Variants in PCDHGB4 observed in about 807,000 individuals in gnomAD.
PCDHGB4 encodes the protein protocadherin gamma subfamily B, 4, also known as protocadherin gamma-B4.
PCDHGB4 carries 38 observed loss-of-function variants against 60.5 expected under a neutral mutation model. The observed-to-expected ratio is 0.63, with a 90% CI of 0.48 to 0.82. The LOEUF is 0.82. Among genes scored for constraint, PCDHGB4 ranks in the 40% least tolerant of loss-of-function variants. PCDHGB4 has a pLI of 0.00. For synonymous variants in PCDHGB4, 456 were observed against 509.7 expected (o/e 0.89, Z 1.42); for missense variants, 1,109 against 1,209.6 (o/e 0.92, Z 1.23).
rs768908018 is a variant in PCDHGB4, at chr5:141,389,359, G to C, written c.1475G>C (p.Ser492Thr). Residue 492 changes from serine (S) to threonine (T), a missense_variant, in exon 1 of 4, where the codon AGT becomes ACT. Coordinates refer to ENST00000519479, the MANE Select transcript of PCDHGB4 (RefSeq NM_003736.4). ...CAAGTCTCTTACTGCATCATGGCCAGTGACCTGGAGCAGCGGGAGCTGTCA... is the reference window on the plus strand; with the variant it reads ...CAAGTCTCTTACTGCATCATGGCCACTGACCTGGAGCAGCGGGAGCTGTCA... ...NGQVSYCIMA[S>T]DLEQRELSSY... 99 of 1,613,770 alleles carry C rather than the reference G, an allele frequency of 6.1e-5. No individual in the cohort carries two copies. The highest frequency in any genetic ancestry group is 8.2e-5 in the Non-Finnish European group (97 of 1,179,926).
intron 1 of PCDHGB4, among the ~76,000 whole-genome samples, chr5:141,474,130 C>G (rs28684928): frequency 6.6e-6 from 1 of 152,160 alleles, no homozygotes; most frequent in Non-Finnish European, 1.5e-5. Context: ...TCTCAGAAAA[C>G]TACAGGCCTT....
intron 1 of PCDHGB4, chr5:141,410,207 C>T: frequency 6.2e-7 from 1 of 1,614,024 alleles, no homozygotes; most frequent in African/African-American, 1.3e-5. Context: ...AGACAACTTG[C>T]AAGAGATACT....
chr5:141,482,016 C>T (rs2099550411), intron 1 of PCDHGB4, among the ~76,000 whole-genome samples: 1 of 148,596 alleles, frequency 6.7e-6, no homozygotes, highest in African/African-American at 2.5e-5. Context: ...TCTCAGGAAG[C>T]AGAGGTTGCA....
At chr5:141,427,732 G>T in intron 1 of PCDHGB4, 1 of 1,190,370 alleles carries the variant, frequency 8.4e-7, no homozygotes, top group Non-Finnish European at 1.2e-6. Context: ...GGGCTGAATG[G>T]CCAAGTCTCC....
At chr5:141,415,046 G>C in intron 1 of PCDHGB4, 1 of 1,613,468 alleles carries the variant, frequency 6.2e-7, no homozygotes, top group Non-Finnish European at 8.5e-7. Context: ...TTCGCGGTGG[G>C]GGAGCACACG....
rs577323909 is a variant in PCDHGB4 at position 141,419,160 on chromosome 5, C to G, written c.2397+28879C>G. 13 of 1,613,956 alleles carry G rather than the reference C, an allele frequency of 8.1e-6. 1 individual carries two copies. In the South Asian group the frequency reaches 1.4e-4, roughly 18 times the overall value. On this transcript the variant is annotated intron_variant, in intron 1 of 3. Coordinates refer to ENST00000519479, the MANE Select transcript of PCDHGB4 (RefSeq NM_003736.4). ...GACAGGGGCAAGCCTCCGTTATCCT[C>G]CAGCAAAACCATAACCCTGCACATT...
chr5:141,511,048 C>G lies in PCDHGB4; in HGVS notation c.2647C>G (p.Arg883Gly). The G allele has an allele frequency of 6.2e-7, 1 of 1,614,224 alleles. No homozygotes were observed. Among genetic ancestry groups the G allele is most frequent in the Non-Finnish European group, 8.5e-7 (1 of 1,180,028 alleles). ...QFTLQHVPDYRQNVYIPGSNA... is the reference protein window; with the variant it reads ...QFTLQHVPDYGQNVYIPGSNA... ...CACCCTGCAGCACGTGCCCGACTAC[C>G]GCCAGAATGTCTACATCCCAGGCAG... Residue 883 changes from arginine (R) to glycine (G), a missense_variant, in exon 4 of 4, where the codon CGC becomes GGC. Arg to Gly is a moderately radical substitution (Grantham distance 125, BLOSUM62 -2). Transcript: ENST00000519479.
intron 1 of PCDHGB4, among the ~76,000 whole-genome samples, chr5:141,472,400 G>A (rs2099279115): frequency 6.6e-6 from 1 of 152,024 alleles, no homozygotes; most frequent in East Asian, 1.9e-4. Flanking sequence ...AATTAGCCAG[G>A]CGTGGTGGCA....
intron 1 of PCDHGB4, chr5:141,410,735 T>A (rs2095420224): frequency 1.5e-6 from 2 of 1,336,188 alleles, no homozygotes; most frequent in East Asian, 4.7e-5. Context: ...CATAGCTTTT[T>A]ACAATATTTT....
intron 1 of PCDHGB4, chr5:141,422,371 C>T (rs866886181): frequency 6.4e-7 from 1 of 1,567,212 alleles, no homozygotes; most frequent in South Asian, 1.2e-5. Context: ...AGAAAATGGT[C>T]AAGTCTCCTG....
intron 1 of PCDHGB4, among the ~76,000 whole-genome samples, chr5:141,482,056 G>A (rs1271837619): frequency 1.3e-5 from 2 of 149,012 alleles, no homozygotes; most frequent in Non-Finnish European, 3.0e-5. Context: ...TTGCATTCCA[G>A]CCTGGGCAAC....
chr5:141,409,613 A>G lies in PCDHGB4; in HGVS notation c.2397+19332A>G, dbSNP rs370495173. On this transcript the variant is annotated intron_variant, in intron 1 of 3. Coordinates refer to ENST00000519479, the MANE Select transcript of PCDHGB4 (RefSeq NM_003736.4). Reference sequence around the variant, plus strand: ...CGAGAACAACCCGCCAGGAGCCTCCATTGCGCAAGTGAGCGCCTCTGACCC... The same window carrying G: ...CGAGAACAACCCGCCAGGAGCCTCCGTTGCGCAAGTGAGCGCCTCTGACCC... The G allele has an allele frequency of 8.4e-5, 136 of 1,613,856 alleles. No individual in the cohort carries two copies. Among genetic ancestry groups the G allele is most frequent in the Middle Eastern group, 8.2e-4 (5 of 6,062 alleles).
At chr5:141,404,647 T>C (rs764645495) in intron 1 of PCDHGB4, 20 of 1,614,190 alleles carry the variant, frequency 1.2e-5, no homozygotes, top group Admixed American at 1.7e-5. Context: ...TCCTGTACCC[T>C]GCCCTCCCCA....
intron 1 of PCDHGB4, among the ~76,000 whole-genome samples, chr5:141,402,671 G>A (rs1016182752): frequency 2.0e-5 from 3 of 152,140 alleles, no homozygotes; most frequent in Admixed American, 2.0e-4. Flanking sequence ...TTCTTTATCA[G>A]CCATCTGATA....
rs934206266 is a variant in PCDHGB4, at chr5:141,483,131, G to A, written c.2398-11676G>A. Among the ~76,000 whole-genome samples, 14 of 152,274 alleles carry A rather than the reference G, an allele frequency of 9.2e-5. No individual in the cohort carries two copies. The South Asian group carries it at 2.9e-3, about 32-fold the overall frequency. On this transcript the variant is annotated intron_variant, in intron 1 of 3. Transcript: ENST00000519479. ...AACAGACAGTCTTTGTAGGAGATGA[G>A]GTGAAGCAAGTAGGCAGGAGTTAGA...
intron 1 of PCDHGB4, chr5:141,427,726 T>C: frequency 8.7e-7 from 1 of 1,155,152 alleles, no homozygotes; most frequent in Non-Finnish European, 1.3e-6. Context: ...GACCTAGGGC[T>C]GAATGGCCAA....
At chr5:141,478,794 G>A in intron 1 of PCDHGB4, 1 of 1,468,126 alleles carries the variant, frequency 6.8e-7, no homozygotes, top group Non-Finnish European at 9.0e-7. Flanking sequence ...CACATCCTCA[G>A]CACTCTTTTG....
Position 141,388,510 on chromosome 5 carries a change from A to T in PCDHGB4, c.626A>T (p.His209Leu). ...PLDREKQKSY[H>L]LTLTALDFGA... ...GACAGAGAAAAGCAGAAATCCTACC[A>T]CTTGACTTTGACTGCCTTGGACTTT... is the stretch of plus-strand genomic sequence containing the variant. Residue 209 changes from histidine (H) to leucine (L), a missense_variant, in exon 1 of 4, where the codon CAC becomes CTC. Physicochemically the swap from His to Leu is moderately conservative, Grantham distance 99. This residue lies in a region of PCDHGB4 where 1,068 missense variants were observed against 1,089.9 expected (regional missense o/e 0.98). Transcript: ENST00000519479. The T allele has an allele frequency of 3.1e-6, 5 of 1,613,846 alleles. No individual in the cohort carries two copies. The highest frequency in any genetic ancestry group is 4.2e-6 in the Non-Finnish European group (5 of 1,179,890).
chr5:141,423,201 C>G, intron 1 of PCDHGB4: 1 of 1,613,628 alleles, frequency 6.2e-7, no homozygotes, highest in Non-Finnish European at 8.5e-7. Context: ...TCTCGGCCAC[C>G]GTCACGCTCA....
Sources: allele counts gnomAD v4.1 joint callset (sites outside exome capture counted in the v4.1 genomes callset), GRCh38; gene constraint gnomAD v4.1.1; regional missense constraint gnomAD v4.1.1; transcripts MANE v1.5; gene names NCBI Gene and HGNC (gene_info 2026-07-23, HGNC 2026-07-21).